ABHD2: variants seen among roughly 807,000 people sequenced by gnomAD.
ABHD2 encodes monoacylglycerol lipase ABHD2.
ABHD2 carries 20 observed loss-of-function variants against 48.1 expected under a neutral mutation model. That is an observed-to-expected ratio of 0.42 (90% CI 0.29 to 0.60). ABHD2 has a LOEUF of 0.60. Ranked by LOEUF, ABHD2 falls within the 20% of genes least tolerant of loss-of-function variation. The pLI is 0.24. For missense variants in ABHD2, 405 were observed against 550.9 expected (o/e 0.74, Z 2.65); for synonymous variants, 209 against 214.2 (o/e 0.98, Z 0.21).
At position 89,159,147 on chromosome 15, in the gene ABHD2, T is replaced by C. The variant is rs148689496; in HGVS notation, c.538+3613T>C. Among the ~76,000 whole-genome samples the C allele has an allele frequency of 5.4e-3, 818 of 151,214 alleles. 13 individuals are homozygous for C. The highest frequency in any genetic ancestry group is 0.019 in the African/African-American group (776 of 41,192). On this transcript the variant is annotated intron_variant, in intron 5 of 10. Coordinates refer to ENST00000352732, the MANE Select transcript of ABHD2 (RefSeq NM_152924.5). ...ATCCCAGCACTTTGGGAGGCTGAGGTGGACAGATTACCTGAGGTCAGGAGT... is the reference window on the plus strand; with the variant it reads ...ATCCCAGCACTTTGGGAGGCTGAGGCGGACAGATTACCTGAGGTCAGGAGT...
chr15:89,078,524 G>A, the ABHD2 span, among the ~76,000 whole-genome samples: 35 of 152,238 alleles, frequency 2.3e-4, no homozygotes, highest in African/African-American at 7.7e-4. Context: ...TATTATGAAC[G>A]TTATTGTCCA....
chr15:89,172,414 T>A (rs1363244582), intron 5 of ABHD2, among the ~76,000 whole-genome samples: 1 of 152,262 alleles, frequency 6.6e-6, no homozygotes, highest in African/African-American at 2.4e-5. Context: ...TAGCATAATG[T>A]CCTCAAGGTT....
chr15:89,159,348 G>T (rs150962454), intron 5 of ABHD2, among the ~76,000 whole-genome samples: 33 of 152,250 alleles, frequency 2.2e-4, no homozygotes, highest in African/African-American at 7.2e-4. Context: ...CTGCACTTCA[G>T]CCTGGGCAAC....
rs1024614190 is a variant in ABHD2 at position 89,092,134 on chromosome 15, G to A, written c.-107+3571G>A. Among the ~76,000 whole-genome samples, 1 of 152,200 alleles carries A rather than the reference G, an allele frequency of 6.6e-6. No individual in the cohort carries two copies. The highest frequency in any genetic ancestry group is 1.9e-4 in the East Asian group (1 of 5,194). On this transcript the variant is annotated intron_variant, in intron 1 of 10. Transcript: ENST00000352732. This position sits in a 1 kb window ranked among gnomAD's most constrained non-coding sequence, Gnocchi z 4.4. Reference sequence around the variant, plus strand: ...TTTTTGGATTGAATGTTTTCTGTTTGTAAAATGGTTGGTGTGGACAGACGA... The same window carrying A: ...TTTTTGGATTGAATGTTTTCTGTTTATAAAATGGTTGGTGTGGACAGACGA...
chr15:89,060,083 C>CT, the ABHD2 span, among the ~76,000 whole-genome samples: 6,236 of 77,540 alleles, frequency 0.08, 309 homozygotes, highest in African/African-American at 0.12. Flanking sequence ...ACTCCAAGGC[C>CT]TTTTTTTTTT....
intron 3 of ABHD2, among the ~76,000 whole-genome samples, chr15:89,149,858 G>T (rs2050562774): frequency 6.6e-6 from 1 of 152,242 alleles, no homozygotes. Flanking sequence ...CCCATGCAGT[G>T]GAGGGTGGGG....
chr15:89,140,706 T>A (rs1179154024), intron 3 of ABHD2, among the ~76,000 whole-genome samples: 1 of 152,162 alleles, frequency 6.6e-6, no homozygotes, highest in Non-Finnish European at 1.5e-5. Context: ...ACGTCACCTC[T>A]GCTGGTACCA....
chr15:89,185,772 C>T lies in ABHD2; in HGVS notation c.815+256C>T, dbSNP rs1200976838. Among the ~76,000 whole-genome samples the T allele has an allele frequency of 1.3e-5, 2 of 152,202 alleles. No homozygotes were observed. The highest frequency in any genetic ancestry group is 2.9e-5 in the Non-Finnish European group (2 of 68,040). On this transcript the variant is annotated intron_variant, in intron 7 of 10. Transcript: ENST00000352732. The surrounding 1 kb of genome is among the most constrained non-coding windows in gnomAD (Gnocchi z 5.9). ...TAGCTTGAGGCCAGGAATTTGAGAC[C>T]AGCCTGGCCAACATGGCGAAACCCC...
chr15:89,169,687 C>T (rs1014312594), intron 5 of ABHD2, among the ~76,000 whole-genome samples: 2 of 152,178 alleles, frequency 1.3e-5, no homozygotes, highest in East Asian at 1.9e-4. Context: ...AACCATTGCT[C>T]CAGCATGAGT....
In ABHD2 at chr15:89,177,020, G is replaced by T. The variant is rs2051025462; in HGVS notation, c.722+1025G>T. The stretch of plus-strand genomic sequence containing the variant: ...GAATTTAAAGCCAGCACACCCAAAA[G>T]ACACATGTGGGCCCAGGATTCAGCC... On this transcript the variant is annotated intron_variant, in intron 6 of 10. Transcript: ENST00000352732. The surrounding 1 kb of genome is among the most constrained non-coding windows in gnomAD (Gnocchi z 5.6). Among the ~76,000 whole-genome samples the T allele has an allele frequency of 6.6e-6, 1 of 152,154 alleles. No individual in the cohort carries two copies. Among genetic ancestry groups the T allele is most frequent in the African/African-American group, 2.4e-5 (1 of 41,430 alleles).
chr15:89,181,227 T>TC (rs1337162661), intron 6 of ABHD2, among the ~76,000 whole-genome samples: 2 of 12,732 alleles, frequency 1.6e-4, no homozygotes, highest in African/African-American at 2.4e-3. Flanking sequence ...AGACTCTGTC[T>TC]CAAAAAAAAA....
chr15:89,068,089 C>G, the ABHD2 span, among the ~76,000 whole-genome samples: 1 of 152,132 alleles, frequency 6.6e-6, no homozygotes, highest in African/African-American at 2.4e-5. Flanking sequence ...TACAGGACTT[C>G]TACCCCTCAG....
intron 3 of ABHD2, among the ~76,000 whole-genome samples, chr15:89,125,975 T>G (rs2050125100): frequency 2.0e-5 from 3 of 152,144 alleles, no homozygotes; most frequent in Non-Finnish European, 2.9e-5. Flanking sequence ...TAGTCAAGAC[T>G]CCCGTGATTT....
chr15:89,071,337 C>T, the ABHD2 span, among the ~76,000 whole-genome samples: 5 of 152,148 alleles, frequency 3.3e-5, no homozygotes, highest in African/African-American at 1.2e-4. Context: ...AGGAGAACCG[C>T]TTGAACCCGG....
At chr15:89,068,523 C>G in the ABHD2 span, among the ~76,000 whole-genome samples, 1 of 152,264 alleles carries the variant, frequency 6.6e-6, no homozygotes, top group East Asian at 1.9e-4. Context: ...AGCCCAAACA[C>G]CTACACGTGG....
chr15:89,171,127 G>A (rs2050920884), intron 5 of ABHD2, among the ~76,000 whole-genome samples: 1 of 148,828 alleles, frequency 6.7e-6, no homozygotes, highest in African/African-American at 2.6e-5. Context: ...AAAGAAAAAA[G>A]AAAAGATTTC....
chr15:89,124,702 C>A (rs1177890862), intron 3 of ABHD2, among the ~76,000 whole-genome samples: 1 of 152,134 alleles, frequency 6.6e-6, no homozygotes, highest in Non-Finnish European at 1.5e-5. Context: ...GCCTGTAATG[C>A]CAGCACTTTG....
At chr15:89,086,855 G>C (rs1195787514), upstream of ABHD2, among the ~76,000 whole-genome samples, 2 of 152,210 alleles carry the variant, frequency 1.3e-5, no homozygotes, top group African/African-American at 2.4e-5. Context: ...TCATCACTAA[G>C]AGACTTTGCT....
rs1596102757 is a variant in ABHD2 at position 89,136,479 on chromosome 15, G to T, written c.195-15198G>T. ...TGGCATTTTCTCTCTTGGCTTCTTA[G>T]GGTCTCCTTTGCCCATGTTTAGTTA... On this transcript the variant is annotated intron_variant, in intron 3 of 10. Coordinates refer to ENST00000352732, the MANE Select transcript of ABHD2 (RefSeq NM_152924.5). 1.1e-5 allele frequency: 5 copies of T among 437,744 alleles called. No individual in the cohort carries two copies. The East Asian group carries it at 3.0e-4, about 26-fold the overall frequency. 27.1% of individuals were successfully genotyped at this position (437,744 alleles called of 1,614,324 possible). A position where few individuals can be genotyped will look rare whatever the true frequency, so the allele number is the denominator to read the frequency against.
Sources: allele counts gnomAD v4.1 joint callset (sites outside exome capture counted in the v4.1 genomes callset), GRCh38; gene constraint gnomAD v4.1.1; non-coding constraint Gnocchi (gnomAD v3.1); transcripts MANE v1.5; gene names NCBI Gene and HGNC (gene_info 2026-07-23, HGNC 2026-07-21).